MYO16: variants seen among roughly 807,000 people sequenced by gnomAD.
The protein encoded by MYO16 is unconventional myosin-XVI.
Under a neutral mutation model 205.3 loss-of-function variants are expected in MYO16, and 94 were observed. That is an observed-to-expected ratio of 0.46 (90% CI 0.39 to 0.54). The LOEUF is 0.54. Among genes scored for constraint, MYO16 ranks in the 20% least tolerant of loss-of-function variants. The pLI, the probability that MYO16 is intolerant of heterozygous loss-of-function variation, is 0.00. For missense variants in MYO16, 2,315 were observed against 2,387.5 expected (o/e 0.97, Z 0.63); for synonymous variants, 988 against 954.0 (o/e 1.04, Z -0.66).
chr13:108,647,921 T>C (rs975370592), intron 1 of MYO16, among the ~76,000 whole-genome samples: 1 of 152,214 alleles, frequency 6.6e-6, no homozygotes, highest in Non-Finnish European at 1.5e-5. Context: ...CATTAGCAGA[T>C]GAATGAATGA....
intron 2 of MYO16, among the ~76,000 whole-genome samples, chr13:108,698,044 T>A (rs978046796): frequency 6.6e-6 from 1 of 152,214 alleles, no homozygotes; most frequent in African/African-American, 2.4e-5. Flanking sequence ...TTTCTCCCTC[T>A]GCCTTCATTC....
At chr13:108,656,225 C>T (rs1881238094) in intron 1 of MYO16, among the ~76,000 whole-genome samples, 1 of 152,068 alleles carries the variant, frequency 6.6e-6, no homozygotes, top group Non-Finnish European at 1.5e-5. Flanking sequence ...GGAGCAGTTT[C>T]CCCCATACTA....
chr13:108,804,696 TAAGTAGAAGTATTC>T (rs1444432982), intron 6 of MYO16, among the ~76,000 whole-genome samples: 5 of 152,194 alleles, frequency 3.3e-5, no homozygotes, highest in Admixed American at 2.6e-4. Flanking sequence ...CTCATGTGAT[TAAGTAGAAGTATTC>T]AATTAGGGTT....
At chr13:108,980,007 C>T (rs77052161) in intron 20 of MYO16, among the ~76,000 whole-genome samples, 11,033 of 152,016 alleles carry the variant, frequency 0.073, 531 homozygotes, top group Non-Finnish European at 0.1. Context: ...AATAGTGTAG[C>T]TTATTGACCC....
chr13:108,740,956 G>T (rs1045525679), intron 4 of MYO16, among the ~76,000 whole-genome samples: 4 of 152,182 alleles, frequency 2.6e-5, no homozygotes, highest in Non-Finnish European at 4.4e-5. Context: ...TAATCTCCTG[G>T]TGTGCCGTTT....
At chr13:108,524,590 G>A in the MYO16 span, among the ~76,000 whole-genome samples, 1 of 152,186 alleles carries the variant, frequency 6.6e-6, no homozygotes, top group African/African-American at 2.4e-5. Context: ...TGTAAGAACA[G>A]CTTAATACAA....
At chr13:108,969,666 G>A (rs1281250053) in intron 20 of MYO16, among the ~76,000 whole-genome samples, 1 of 152,206 alleles carries the variant, frequency 6.6e-6, no homozygotes, top group Non-Finnish European at 1.5e-5. Flanking sequence ...GGTTGCCAGG[G>A]CTTCTTTTAC....
At chr13:109,001,771 C>T (rs1275382705) in intron 21 of MYO16, among the ~76,000 whole-genome samples, 3 of 152,114 alleles carry the variant, frequency 2.0e-5, no homozygotes, top group African/African-American at 4.8e-5. Flanking sequence ...AGAAGTCCTG[C>T]AGAGAAGCCT....
chr13:108,857,669 AGAT>A (rs1282874913), intron 11 of MYO16, among the ~76,000 whole-genome samples: 4 of 152,234 alleles, frequency 2.6e-5, no homozygotes, highest in Non-Finnish European at 4.4e-5. Flanking sequence ...CAGTGCTTTA[AGAT>A]GATCCTAGCC....
At chr13:108,721,948 G>A (rs1005220089) in intron 3 of MYO16, among the ~76,000 whole-genome samples, 3 of 152,142 alleles carry the variant, frequency 2.0e-5, no homozygotes, top group African/African-American at 7.2e-5. Flanking sequence ...TTCAGGGCAG[G>A]CATCACAGGC....
At chr13:109,185,669 C>T (rs1879656985) in intron 34 of MYO16, among the ~76,000 whole-genome samples, 1 of 152,112 alleles carries the variant, frequency 6.6e-6, no homozygotes, top group African/African-American at 2.4e-5. Flanking sequence ...TAAGTCTTAA[C>T]ATTTTGCATT....
chr13:108,992,311 T>A, intron 20 of MYO16, 65 bp from the exon 21 acceptor site: 4 of 1,196,414 alleles, frequency 3.3e-6, no homozygotes, highest in Non-Finnish European at 4.9e-6. Flanking sequence ...ACCTGAATAA[T>A]GAAAAGAGGG....
At chr13:108,524,633 T>G in the MYO16 span, among the ~76,000 whole-genome samples, 1 of 152,204 alleles carries the variant, frequency 6.6e-6, no homozygotes, top group East Asian at 1.9e-4. Context: ...TTCTGTGTCT[T>G]TCTTTGTGCC....
At chr13:108,948,290 C>T (rs1211111949) in intron 16 of MYO16, among the ~76,000 whole-genome samples, 1 of 152,180 alleles carries the variant, frequency 6.6e-6, no homozygotes, top group Non-Finnish European at 1.5e-5. Context: ...GCTCTGCGCA[C>T]AATAGAGAAG....
At chr13:109,007,809 A>G (rs1885450357) in intron 21 of MYO16, among the ~76,000 whole-genome samples, 1 of 152,178 alleles carries the variant, frequency 6.6e-6, no homozygotes, top group Non-Finnish European at 1.5e-5. Context: ...TGATAAAGAA[A>G]ATAATTTCTT....
intron 17 of MYO16, among the ~76,000 whole-genome samples, chr13:108,959,753 T>C (rs1459428013): frequency 6.6e-6 from 1 of 152,146 alleles, no homozygotes; most frequent in African/African-American, 2.4e-5. Flanking sequence ...GGATGGCTGC[T>C]CACTACACAG....
chr13:108,931,215 G>A (rs183156711), intron 16 of MYO16, among the ~76,000 whole-genome samples: 1 of 152,206 alleles, frequency 6.6e-6, no homozygotes, highest in East Asian at 1.9e-4. Context: ...CTGCTCTCAG[G>A]CATTCCTGTC....
chr13:108,997,731 G>A (rs1196828082), intron 21 of MYO16, among the ~76,000 whole-genome samples: 1 of 152,106 alleles, frequency 6.6e-6, no homozygotes, highest in African/African-American at 2.4e-5. Flanking sequence ...CCAGCTACTC[G>A]GGAGGGTGAG....
chr13:108,987,160 A>T (rs1420977060), intron 20 of MYO16, among the ~76,000 whole-genome samples: 1 of 152,206 alleles, frequency 6.6e-6, no homozygotes, highest in African/African-American at 2.4e-5. Flanking sequence ...GGTGCAGGGA[A>T]TGACTGCATC....
Sources: gnomAD v4.1 joint callset for allele counts (sites outside exome capture counted in the v4.1 genomes callset) on GRCh38, gnomAD v4.1.1 for gene constraint, MANE v1.5 for transcripts, NCBI Gene and HGNC (gene_info 2026-07-23, HGNC 2026-07-21) for gene names.